ASTN2: variants seen among roughly 807,000 people sequenced by gnomAD.
ASTN2 encodes the protein astrotactin-2.
ASTN2 carries 54 observed loss-of-function variants against 139.8 expected under a neutral mutation model. The ratio of observed to expected loss-of-function variants is 0.39; its 90% CI spans 0.31 to 0.48. The LOEUF is 0.48. Ranked by LOEUF, ASTN2 falls within the 20% of genes least tolerant of loss-of-function variation. The pLI is 0.95. For missense variants in ASTN2, 1,565 were observed against 1,725.1 expected (o/e 0.91, Z 1.64); for synonymous variants, 756 against 719.5 (o/e 1.05, Z -0.81).
At chr9:117,202,295 T>C (rs112686955) in intron 3 of ASTN2, among the ~76,000 whole-genome samples, 24 of 152,298 alleles carry the variant, frequency 1.6e-4, no homozygotes, top group African/African-American at 5.5e-4. Flanking sequence ...CCTCAACCAA[T>C]TTGCCAGCCT....
At chr9:116,631,692 T>G (rs149848422) in intron 17 of ASTN2, among the ~76,000 whole-genome samples, 2 of 152,312 alleles carry the variant, frequency 1.3e-5, no homozygotes, top group African/African-American at 4.8e-5. Context: ...TAATGTATTG[T>G]ATTCAAAATA....
chr9:117,034,966 T>C (rs1464108237), intron 6 of ASTN2, among the ~76,000 whole-genome samples: 3 of 152,138 alleles, frequency 2.0e-5, no homozygotes, highest in African/African-American at 4.8e-5. Flanking sequence ...ACAGTAAACA[T>C]TGAGTATAAC....
At chr9:116,911,177 T>C (rs1327501904) in intron 10 of ASTN2, among the ~76,000 whole-genome samples, 5 of 152,216 alleles carry the variant, frequency 3.3e-5, no homozygotes, top group African/African-American at 1.2e-4. Context: ...GAAATAATGA[T>C]CCTGATGGCT....
At chr9:117,251,672 CA>C (rs1242147327) in intron 2 of ASTN2, among the ~76,000 whole-genome samples, 1 of 152,148 alleles carries the variant, frequency 6.6e-6, no homozygotes, top group Non-Finnish European at 1.5e-5. Flanking sequence ...CTGCTATTAG[CA>C]GGAGAATAAC....
intron 13 of ASTN2, among the ~76,000 whole-genome samples, chr9:116,775,866 C>T (rs1436081084): frequency 6.6e-6 from 1 of 151,266 alleles, no homozygotes; most frequent in African/African-American, 2.5e-5. Context: ...GCAGGCAAGC[C>T]AAGCCTTCAG....
chr9:117,024,935 A>G (rs1838014579), intron 6 of ASTN2, among the ~76,000 whole-genome samples: 1 of 152,022 alleles, frequency 6.6e-6, no homozygotes. Flanking sequence ...TTATAAGGGG[A>G]AAGCCCTTTC....
intron 1 of ASTN2, among the ~76,000 whole-genome samples, chr9:117,327,341 A>G (rs1032107338): frequency 6.6e-6 from 1 of 152,190 alleles, no homozygotes; most frequent in Non-Finnish European, 1.5e-5. Context: ...AGTCCCCATG[A>G]CAACCTACAG....
At chr9:117,258,807 T>G (rs1833753410) in intron 2 of ASTN2, among the ~76,000 whole-genome samples, 1 of 152,122 alleles carries the variant, frequency 6.6e-6, no homozygotes. Context: ...ACGTCTGCCT[T>G]AGCTCCCCTC....
intron 6 of ASTN2, among the ~76,000 whole-genome samples, chr9:117,014,167 A>C (rs1837611310): frequency 6.6e-6 from 1 of 152,104 alleles, no homozygotes; most frequent in Admixed American, 6.6e-5. Flanking sequence ...CTGTGTGATG[A>C]AGCAGGAATG....
At chr9:116,565,417 A>G (rs1244116761) in intron 19 of ASTN2, among the ~76,000 whole-genome samples, 1 of 107,190 alleles carries the variant, frequency 9.3e-6, no homozygotes, top group Admixed American at 9.8e-5. Flanking sequence ...ATATATATAT[A>G]TATATATATA....
At chr9:116,833,411 G>A (rs1015236540) in intron 11 of ASTN2, among the ~76,000 whole-genome samples, 1 of 147,086 alleles carries the variant, frequency 6.8e-6, no homozygotes, top group Non-Finnish European at 1.5e-5. Flanking sequence ...TCCTTCCTTC[G>A]GCTTCCTTTG....
At chr9:116,570,120 C>T (rs894705073) in intron 19 of ASTN2, among the ~76,000 whole-genome samples, 4 of 152,158 alleles carry the variant, frequency 2.6e-5, no homozygotes, top group African/African-American at 9.7e-5. Flanking sequence ...ACGTTTCTAG[C>T]CTTGCTTTCT....
chr9:116,722,075 G>A (rs1828487419), intron 16 of ASTN2, among the ~76,000 whole-genome samples: 1 of 152,106 alleles, frequency 6.6e-6, no homozygotes, highest in African/African-American at 2.4e-5. Context: ...ATAGTGACTG[G>A]GTATTCCAAC....
intron 20 of ASTN2, among the ~76,000 whole-genome samples, chr9:116,446,629 T>C (rs973440707): frequency 6.6e-5 from 10 of 152,190 alleles, no homozygotes; most frequent in African/African-American, 2.4e-4. Flanking sequence ...GCTTTCATTA[T>C]GAAAGAGGCG....
At chr9:117,149,780 T>G (rs113817512) in intron 3 of ASTN2, among the ~76,000 whole-genome samples, 1 of 152,318 alleles carries the variant, frequency 6.6e-6, no homozygotes, top group Non-Finnish European at 1.5e-5. Flanking sequence ...ATGACTAGAA[T>G]AAATTTAAAA....
intron 6 of ASTN2, among the ~76,000 whole-genome samples, chr9:117,036,242 G>A (rs1002191298): frequency 2.6e-5 from 4 of 152,180 alleles, no homozygotes; most frequent in African/African-American, 7.2e-5. Context: ...ATTATGGCAT[G>A]TAAGGGATGG....
chr9:116,642,132 C>CCAAAAAAAAAAAAA (rs1554724602), intron 17 of ASTN2, among the ~76,000 whole-genome samples: 7 of 48,938 alleles, frequency 1.4e-4, no homozygotes, highest in African/African-American at 5.3e-4. Context: ...TCCCAACCCA[C>CCAAAAAAAAAAAAA]AAAAAAAAAA....
intron 6 of ASTN2, among the ~76,000 whole-genome samples, chr9:117,034,836 G>A (rs902422579): frequency 9.2e-5 from 14 of 152,194 alleles, no homozygotes; most frequent in Admixed American, 4.6e-4. Flanking sequence ...TGGCTTTGAA[G>A]AAGCCCAGAT....
intron 10 of ASTN2, among the ~76,000 whole-genome samples, chr9:116,877,088 C>A (rs1833322862): frequency 2.6e-5 from 4 of 152,196 alleles, no homozygotes; most frequent in Admixed American, 2.6e-4. Flanking sequence ...ACAAATCGCA[C>A]ATTTACCCTA....
Sources: gnomAD v4.1 joint callset for allele counts (sites outside exome capture counted in the v4.1 genomes callset) on GRCh38, gnomAD v4.1.1 for gene constraint, MANE v1.5 for transcripts, NCBI Gene and HGNC (gene_info 2026-07-23, HGNC 2026-07-21) for gene names.